The following PIKFYVE variants were observed in gnomAD, a reference collection of about 807,000 sequenced individuals.
PIKFYVE encodes phosphoinositide kinase, FYVE-type zinc finger containing.
PIKFYVE carries 122 observed loss-of-function variants against 257.9 expected under a neutral mutation model. The observed-to-expected ratio is 0.47, with a 90% CI of 0.41 to 0.55. The LOEUF is 0.55. Among genes scored for constraint, PIKFYVE ranks in the 20% least tolerant of loss-of-function variants. PIKFYVE has a pLI of 0.00. For missense variants in PIKFYVE, 2,160 were observed against 2,536.6 expected, an observed-to-expected ratio of 0.85 and a Z score of 3.19; for synonymous variants, 892 against 868.9, an observed-to-expected ratio of 1.03 and a Z score of -0.47.
Position 208,285,754 on chromosome 2 carries a change from A to G in PIKFYVE, c.642A>G (p.Arg214=), listed in dbSNP as rs61752182. 1.2e-6 allele frequency: 2 copies of G among 1,614,044 alleles called. No individual in the cohort carries two copies. The highest frequency in any genetic ancestry group is 1.7e-4 in the Middle Eastern group (1 of 6,060). The stretch of plus-strand genomic sequence containing the variant: ...ACCTCCGAGCTTGCACATATTGTAG[A>G]AAAATAGCCTTAAGTTATGCTCATT... ...TGDLRACTYC[R]KIALSYAHST... Residue 214 remains arginine, a synonymous_variant, in exon 6 of 42, where the codon AGA becomes AGG. Coordinates refer to ENST00000264380, the MANE Select transcript of PIKFYVE (RefSeq NM_015040.4).
chr2:208,325,948 A>T lies in PIKFYVE; in HGVS notation c.3137A>T (p.Lys1046Met). 1 of 1,614,104 alleles carries T rather than the reference A, an allele frequency of 6.2e-7. No individual in the cohort carries two copies. The highest frequency in any genetic ancestry group is 8.5e-7 in the Non-Finnish European group (1 of 1,179,956). Residue 1046 changes from lysine (K) to methionine (M), a missense_variant, in exon 20 of 42, where the codon AAG (lysine) becomes ATG (methionine). Transcript: ENST00000264380. ...CGAAAGACTTATTCTTTGGCCTTTA[A>T]GCAGGAATTAAAAGATGTGATCCTC... ...DKRKTYSLAFKQELKDVILCI... is the reference protein window; with the variant it reads ...DKRKTYSLAFMQELKDVILCI...
chr2:208,268,737 C>T (rs542847116), intron 1 of PIKFYVE, among the ~76,000 whole-genome samples: 16 of 151,958 alleles, frequency 1.1e-4, no homozygotes, highest in Non-Finnish European at 1.6e-4. Flanking sequence ...CCTTCCTTCC[C>T]CTTCTTCTTC....
chr2:208,300,112 T>C (rs974697073), intron 8 of PIKFYVE, among the ~76,000 whole-genome samples: 2 of 152,152 alleles, frequency 1.3e-5, no homozygotes, highest in African/African-American at 2.4e-5. Context: ...AGTAATACTT[T>C]AATAATAAAA....
chr2:208,288,926 T>C, intron 7 of PIKFYVE, 108 bp downstream of exon 7: 1 of 1,359,564 alleles, frequency 7.4e-7, no homozygotes. Flanking sequence ...TATACTTCCG[T>C]AGCTCTAAAA....
At chr2:208,285,220 T>C (rs1400373259) in intron 5 of PIKFYVE, among the ~76,000 whole-genome samples, 7 of 152,100 alleles carry the variant, frequency 4.6e-5, no homozygotes, top group Admixed American at 6.6e-5. Flanking sequence ...CTCACCCTCC[T>C]GAGTAGCTGG....
Position 208,355,316 on chromosome 2 carries a change from A to T in PIKFYVE, c.*11A>T, listed in dbSNP as rs758837139. 1.9e-5 allele frequency: 30 copies of T among 1,591,236 alleles called. No homozygotes were observed. Among genetic ancestry groups the T allele is most frequent in the Non-Finnish European group, 1.8e-5 (21 of 1,159,400 alleles). On this transcript the variant is annotated 3_prime_UTR_variant, in exon 42 of 42. Coordinates refer to ENST00000264380, the MANE Select transcript of PIKFYVE (RefSeq NM_015040.4). ...GGTCTGAATTGCTGAAATCAAGCAC[A>T]TATTTTGAAATGGACTGTGAAGGAA...
At chr2:208,318,591 A>C (rs1389722506) in intron 16 of PIKFYVE, among the ~76,000 whole-genome samples, 1 of 152,182 alleles carries the variant, frequency 6.6e-6, no homozygotes, top group African/African-American at 2.4e-5. Context: ...GTCTGTTCTT[A>C]ACCTAACCCC....
At chr2:208,294,620 C>T (rs571766143) in intron 7 of PIKFYVE, among the ~76,000 whole-genome samples, 1 of 152,202 alleles carries the variant, frequency 6.6e-6, no homozygotes, top group South Asian at 2.1e-4. Context: ...GAACTGTAAA[C>T]TTTATCAGGG....
chr2:208,305,175 A>T, intron 12 of PIKFYVE, 162 bp downstream of exon 12: 1 of 1,524,118 alleles, frequency 6.6e-7, no homozygotes, highest in Non-Finnish European at 8.8e-7. Flanking sequence ...CCTCCTCCCC[A>T]TACCTTTTTT....
intron 12 of PIKFYVE, among the ~76,000 whole-genome samples, chr2:208,306,046 A>G (rs1193506126): frequency 1.3e-5 from 2 of 152,214 alleles, no homozygotes; most frequent in East Asian, 3.8e-4. Context: ...TTATACTAAA[A>G]TGATTTGATA....
intron 1 of PIKFYVE, among the ~76,000 whole-genome samples, chr2:208,268,880 A>C (rs894112996): frequency 6.6e-6 from 1 of 152,036 alleles, no homozygotes; most frequent in Non-Finnish European, 1.5e-5. Context: ...ATTATTGATC[A>C]GACAAAGCCT....
At chr2:208,330,244 C>T (rs1697377286) in intron 22 of PIKFYVE, among the ~76,000 whole-genome samples, 1 of 152,156 alleles carries the variant, frequency 6.6e-6, no homozygotes, top group African/African-American at 2.4e-5. Flanking sequence ...TCACTCGCCA[C>T]TTATATGACA....
intron 13 of PIKFYVE, 147 bp from the exon 14 acceptor site, chr2:208,314,147 A>T: frequency 1.3e-6 from 1 of 778,118 alleles, no homozygotes; most frequent in Non-Finnish European, 2.1e-6. Context: ...TTATATGTTT[A>T]TTACATGTTC....
intron 20 of PIKFYVE, 32 bp downstream of exon 20, chr2:208,326,461 C>A: frequency 6.2e-7 from 1 of 1,600,642 alleles, no homozygotes; most frequent in Non-Finnish European, 8.6e-7. Flanking sequence ...TGCTCCTGTG[C>A]ATTTAGGATG....
intron 23 of PIKFYVE, 132 bp downstream of exon 23, chr2:208,330,826 A>T: frequency 2.2e-6 from 2 of 906,352 alleles, no homozygotes; most frequent in Admixed American, 2.6e-5. Flanking sequence ...TGTCATTGTT[A>T]TTTTACCTTC....
At chr2:208,301,818 G>A (rs1693720694) in intron 9 of PIKFYVE, among the ~76,000 whole-genome samples, 1 of 152,144 alleles carries the variant, frequency 6.6e-6, no homozygotes, top group South Asian at 2.1e-4. Context: ...AATGTATGGT[G>A]TCATTAAGTG....
In PIKFYVE at chr2:208,325,289, G is replaced by A; in HGVS notation, c.2478G>A (p.Met826Ile). ...TTGTAGAACAAACCAAGACACTGATGTTTTTTGAAGGTTGTCCACAGCACC... is the reference window on the plus strand; with the variant it reads ...TTGTAGAACAAACCAAGACACTGATATTTTTTGAAGGTTGTCCACAGCACC... Reference protein sequence around the residue: ...QLPNEQTKTLMFFEGCPQHLG... With the variant: ...QLPNEQTKTLIFFEGCPQHLG... The change falls in exon 20 of 42, where the codon ATG becomes ATA. Residue 826 changes from methionine (M) to isoleucine (I), a missense_variant. Physicochemically the swap from Met to Ile is conservative, Grantham distance 10. This residue lies in a region of PIKFYVE where 522 missense variants were observed against 514.6 expected (regional missense o/e 1.01). Coordinates refer to ENST00000264380, the MANE Select transcript of PIKFYVE (RefSeq NM_015040.4). The A allele has an allele frequency of 6.2e-7, 1 of 1,613,990 alleles. No homozygotes were observed. Among genetic ancestry groups the A allele is most frequent in the African/African-American group, 1.3e-5 (1 of 75,052 alleles).
At position 208,336,847 on chromosome 2, in the gene PIKFYVE, C is replaced by T. The variant is rs540652772; in HGVS notation, c.4530C>T (p.Asp1510=). 5.0e-6 allele frequency: 8 copies of T among 1,612,384 alleles called. No individual in the cohort carries two copies. The highest frequency in any genetic ancestry group is 1.7e-5 in the Admixed American group (1 of 59,954). The stretch of plus-strand genomic sequence containing the variant: ...TTGCTTTTGGCCACAGGTTGCAGGA[C>T]CTTTTCCAACAGGAAAAGGGTAGAA... ...VLQAWNNRLQ[D]LFQQEKGRKR... is the part of the protein sequence containing the mutation. Residue 1510 remains aspartate (D), a synonymous_variant, in exon 28 of 42, where the codon GAC becomes GAT. Coordinates refer to ENST00000264380, the MANE Select transcript of PIKFYVE (RefSeq NM_015040.4).
Position 208,271,713 on chromosome 2 carries a change from A to G in PIKFYVE, c.172+22A>G, listed in dbSNP as rs73983728. 1.2e-3 allele frequency: 1,980 copies of G among 1,603,434 alleles called. 21 individuals carry two copies. In the African/African-American group the frequency reaches 0.023, roughly 19 times the overall value. ...AAAGGTAAGACTTATTAAAGATAAG[A>G]GGTTTGATTCAGGTCTGATTGTTTG... On this transcript the variant is annotated intron_variant, in intron 2 of 41. Coordinates refer to ENST00000264380, the MANE Select transcript of PIKFYVE (RefSeq NM_015040.4).
Sources: allele counts gnomAD v4.1 joint callset (sites outside exome capture counted in the v4.1 genomes callset), GRCh38; gene constraint gnomAD v4.1.1; regional missense constraint gnomAD v4.1.1; transcripts MANE v1.5; gene names NCBI Gene and HGNC (gene_info 2026-07-23, HGNC 2026-07-21).